Variants in BRPF1 observed in about 807,000 individuals in gnomAD.
BRPF1 encodes the protein peregrin.
Under a neutral mutation model 115.0 loss-of-function variants are expected in BRPF1, and 15 were observed. The observed-to-expected ratio is 0.13, with a 90% confidence interval of 0.09 to 0.20. The LOEUF (loss-of-function observed/expected upper bound fraction) is 0.20. BRPF1 is among the 10% of genes least tolerant of loss of function. BRPF1 has a pLI of 1.00. For synonymous variants in BRPF1, 647 were observed against 619.8 expected (o/e 1.04, Z -0.65); for missense variants, 1,118 against 1,638.3 (o/e 0.68, Z 5.48).
In BRPF1 at chr3:9,742,988, C is replaced by T. The variant is rs779160179; in HGVS notation, c.2046C>T (p.Phe682=). 20 of 1,614,074 alleles carry T rather than the reference C, an allele frequency of 1.2e-5. No individual in the cohort carries two copies. The highest frequency in any genetic ancestry group is 1.6e-4 in the Middle Eastern group (1 of 6,084). The change falls in exon 7 of 14, where the codon TTC becomes TTT. Residue 682 remains phenylalanine, a synonymous_variant. Coordinates refer to ENST00000383829, the MANE Select transcript of BRPF1 (RefSeq NM_001003694.2). Reference sequence around the variant, plus strand: ...ACATCAAAAAGCCCATGGACTTTTTCACCATGAAGCAGAACTTGGAGGCTT... The same window carrying T: ...ACATCAAAAAGCCCATGGACTTTTTTACCATGAAGCAGAACTTGGAGGCTT... The part of the protein sequence containing the change: ...LDHIKKPMDF[F]TMKQNLEAYR...
rs1180783979 is a variant in BRPF1 at position 9,734,288 on chromosome 3, C to G, written c.148C>G (p.Pro50Ala). Residue 50 changes from proline (P) to alanine (A), a missense_variant, in exon 2 of 14, where the codon CCA becomes GCA. Physicochemically the swap from Pro to Ala is conservative, Grantham distance 27. This residue lies in a region of BRPF1 where 280 missense variants were observed against 382.8 expected (regional missense o/e 0.73). Coordinates refer to ENST00000383829, the MANE Select transcript of BRPF1 (RefSeq NM_001003694.2). The surrounding 1 kb of genome is among the most constrained non-coding windows in gnomAD (Gnocchi z 5.7). ...YHLYHYDHDN[P>A]PPPQQTPLRK... is the part of the protein sequence containing the mutation. ...CCTGTACCACTATGACCACGACAACCCACCACCCCCACAACAAACTCCACT... is the reference window on the plus strand; with the variant it reads ...CCTGTACCACTATGACCACGACAACGCACCACCCCCACAACAAACTCCACT... 2 of 1,613,938 alleles carry G rather than the reference C, an allele frequency of 1.2e-6. No homozygotes were observed. Among genetic ancestry groups the G allele is most frequent in the African/African-American group, 2.7e-5 (2 of 74,890 alleles).
In BRPF1 at chr3:9,747,199, G is replaced by A. The variant is rs1285680414; in HGVS notation, c.3513G>A (p.Leu1171=). Residue 1171 remains leucine, a synonymous_variant, in exon 14 of 14, where the codon CTG becomes CTA. Coordinates refer to ENST00000383829, the MANE Select transcript of BRPF1 (RefSeq NM_001003694.2). This position sits in a 1 kb window ranked among gnomAD's most constrained non-coding sequence, Gnocchi z 5.6. ...QWLPRTKLVP[L]GVNQDLDKEK... ...TGCCCAGGACCAAGCTGGTTCCTCT[G>A]GGTGTGAACCAGGACCTAGACAAGG... 1.5e-5 allele frequency: 24 copies of A among 1,614,042 alleles called. No homozygotes were observed. The highest frequency in any genetic ancestry group is 2.0e-5 in the Non-Finnish European group (24 of 1,180,050).
rs544719764 is a variant in BRPF1, at chr3:9,741,197, A to G, written c.1723-111A>G. On this transcript the variant is annotated intron_variant, in intron 4 of 13. Transcript: ENST00000383829. ...ACACAGATTGAGGCACTACCAATAA[A>G]TTACTGTGCTCCCTCTTTTGGCTTG... The G allele has an allele frequency of 5.2e-6, 7 of 1,352,390 alleles. No individual in the cohort carries two copies. The South Asian group carries it at 7.2e-5, about 14-fold the overall frequency. 83.8% of individuals were successfully genotyped at this position (1,352,390 alleles called of 1,614,324 possible).
intron 2 of BRPF1, among the ~76,000 whole-genome samples, chr3:9,736,191 A>G (rs1462395687): frequency 2.6e-5 from 4 of 151,902 alleles, no homozygotes; most frequent in East Asian, 3.9e-4. Context: ...AGTTTTTAGT[A>G]GAGATGGGGT....
Position 9,739,710 on chromosome 3 carries a change from T to G in BRPF1, c.1311T>G (p.Ser437Arg). Residue 437 changes from serine (S) to arginine (R), a missense_variant, in exon 3 of 14, where the codon AGT becomes AGG. Physicochemically the swap from Ser to Arg is moderately radical, Grantham distance 110. Transcript: ENST00000383829. ...CAGGCGCCAACGGCACCTCTTTCAG[T>G]GTCCGCAAGACAGCCTACTGCGACA... ...RETGANGTSF[S>R]VRKTAYCDIH... The G allele has an allele frequency of 6.2e-7, 1 of 1,613,618 alleles. No homozygotes were observed. The highest frequency in any genetic ancestry group is 8.5e-7 in the Non-Finnish European group (1 of 1,179,530).
rs781346136 is a variant in BRPF1, at chr3:9,742,185, C to T, written c.2001+14C>T. ...GAATTGGACGAAGTAAGAATCCCTT[C>T]CCCTCACTCCACCTTCTCTCTGTTC... On this transcript the variant is annotated intron_variant, in intron 6 of 13. Coordinates refer to ENST00000383829, the MANE Select transcript of BRPF1 (RefSeq NM_001003694.2). The T allele has an allele frequency of 4.3e-6, 7 of 1,613,300 alleles. No homozygotes were observed. The Admixed American group carries it at 1.2e-4, about 27-fold the overall frequency.
At chr3:9,742,442 G>T (rs907339893) in intron 6 of BRPF1, 2 of 985,292 alleles carry the variant, frequency 2.0e-6, no homozygotes, top group African/African-American at 3.5e-5. Flanking sequence ...AGACACTTTC[G>T]GGGTGCTGAA....
rs2077076328 is a variant in BRPF1, at chr3:9,743,900, A to G, written c.2634A>G (p.Lys878=). The G allele has an allele frequency of 1.3e-6, 2 of 1,562,432 alleles. No homozygotes were observed. Among genetic ancestry groups the G allele is most frequent in the Non-Finnish European group, 8.7e-7 (1 of 1,149,358 alleles). The part of the protein sequence containing the change: ...AEESSSQETS[K]GLGPNMSSTP... ...AGAGCAGCAGCCAGGAGACAAGCAA[A>G]GGTCTGAATCCCATGGCAAGGTGGA... The change falls in exon 8 of 14, where the codon AAA becomes AAG. Residue 878 remains lysine (K), a splice_region_variant and synonymous_variant. Coordinates refer to ENST00000383829, the MANE Select transcript of BRPF1 (RefSeq NM_001003694.2). The surrounding 1 kb of genome is among the most constrained non-coding windows in gnomAD (Gnocchi z 6.1).
At chr3:9,741,918 A>AG in intron 5 of BRPF1, 107 bp from the exon 6 acceptor site, 1 of 1,285,334 alleles carries the variant, frequency 7.8e-7, no homozygotes, top group Non-Finnish European at 1.1e-6. Flanking sequence ...CCCAGCTGTG[A>AG]GGGTGGGAAA....
chr3:9,745,766 A>T lies in BRPF1; in HGVS notation c.3206-46A>T, dbSNP rs373727534. 17 of 1,610,572 alleles carry T rather than the reference A, an allele frequency of 1.1e-5. No homozygotes were observed. In the African/African-American group the frequency reaches 2.3e-4, roughly 22 times the overall value. On this transcript the variant is annotated intron_variant, in intron 11 of 13. Coordinates refer to ENST00000383829, the MANE Select transcript of BRPF1 (RefSeq NM_001003694.2). The surrounding 1 kb of genome is among the most constrained non-coding windows in gnomAD (Gnocchi z 5.1). ...GGGGACCCAGTGTCAGGGTCTCGCC[A>T]GCCCCCCAGCTGCTGATCCACCCCC...
At position 9,743,683 on chromosome 3, in the gene BRPF1, A is replaced by G; in HGVS notation, c.2417A>G (p.Lys806Arg). The G allele has an allele frequency of 1.2e-6, 2 of 1,614,198 alleles. No individual in the cohort carries two copies. The highest frequency in any genetic ancestry group is 8.5e-7 in the Non-Finnish European group (1 of 1,180,040). ...CGGCTGGACGAAGTGAATGCCAGCA[A>G]GCAGAGTGTGGGCCGCTCACGGCGT... ...LERLDEVNAS[K>R]QSVGRSRRAK... The change falls in exon 8 of 14, where the codon AAG (lysine) becomes AGG (arginine). Residue 806 changes from lysine to arginine, a missense_variant. By Grantham distance (26) the Lys-to-Arg change is conservative. This residue lies in a region of BRPF1 where 223 missense variants were observed against 240.7 expected (regional missense o/e 0.93). Coordinates refer to ENST00000383829, the MANE Select transcript of BRPF1 (RefSeq NM_001003694.2). This position sits in a 1 kb window ranked among gnomAD's most constrained non-coding sequence, Gnocchi z 6.1.
Position 9,745,504 on chromosome 3 carries a change from A to T in BRPF1, c.3069-69A>T. On this transcript the variant is annotated intron_variant, in intron 10 of 13. Coordinates refer to ENST00000383829, the MANE Select transcript of BRPF1 (RefSeq NM_001003694.2). This position sits in a 1 kb window ranked among gnomAD's most constrained non-coding sequence, Gnocchi z 5.1. The stretch of plus-strand genomic sequence containing the variant: ...CAGACCCTGCGGGCTTTAAGAGCTG[A>T]GGGCACATACCATGCTGTTCCCCAT... The T allele has an allele frequency of 1.9e-6, 3 of 1,545,790 alleles. No individual in the cohort carries two copies. The South Asian group carries it at 3.4e-5, about 17-fold the overall frequency.
At chr3:9,744,930 T>C (rs2077097127) in intron 9 of BRPF1, 78 bp from the exon 10 acceptor site, 1 of 1,590,748 alleles carries the variant, frequency 6.3e-7, no homozygotes, top group Admixed American at 1.7e-5. Context: ...AAGCTCCAAG[T>C]CCCTCTTACC....
rs369517700 is a variant in BRPF1, at chr3:9,743,946, T to A, written c.2635+45T>A. ...GTGGACCCCAAAGCAAGTCAGACTT[T>A]GGCTCTGCAGCACACACTCAACCCC... On this transcript the variant is annotated intron_variant, in intron 8 of 13. Transcript: ENST00000383829. The surrounding 1 kb of genome is among the most constrained non-coding windows in gnomAD (Gnocchi z 6.1). The A allele has an allele frequency of 6.5e-7, 1 of 1,529,796 alleles. No homozygotes were observed. The highest frequency in any genetic ancestry group is 1.8e-4 in the Middle Eastern group (1 of 5,660). The allele number at this position is 1,529,796 out of a possible 1,614,324, so 94.8% of individuals were successfully genotyped here. A position where few individuals can be genotyped will look rare whatever the true frequency, so the allele number is the denominator to read the frequency against.
At chr3:9,736,296 G>A (rs890745376) in intron 2 of BRPF1, among the ~76,000 whole-genome samples, 5 of 152,146 alleles carry the variant, frequency 3.3e-5, no homozygotes, top group Admixed American at 6.6e-5. Flanking sequence ...ATGAGCCACC[G>A]CGCCCGGCCT....
In BRPF1 at chr3:9,745,160, C is replaced by G. The variant is rs1360451807; in HGVS notation, c.3068+5C>G. The G allele has an allele frequency of 6.2e-7, 1 of 1,613,250 alleles. No individual in the cohort carries two copies. The highest frequency in any genetic ancestry group is 8.5e-7 in the Non-Finnish European group (1 of 1,179,716). ...CGCTGCTTCAGACCGGACCAGGTACCAGCCCTCCAGATCGAGGCCAACCTC... is the reference window on the plus strand; with the variant it reads ...CGCTGCTTCAGACCGGACCAGGTACGAGCCCTCCAGATCGAGGCCAACCTC... On this transcript the variant is annotated splice_donor_5th_base_variant and intron_variant, in intron 10 of 13. Transcript: ENST00000383829. The surrounding 1 kb of genome is among the most constrained non-coding windows in gnomAD (Gnocchi z 5.1).
Position 9,744,256 on chromosome 3 carries a change from CAT to C in BRPF1, c.2669_2670del (p.His890ArgfsTer62). The C allele has an allele frequency of 6.3e-7, 1 of 1,578,540 alleles. No individual in the cohort carries two copies. The highest frequency in any genetic ancestry group is 8.6e-7 in the Non-Finnish European group (1 of 1,161,866). On this transcript the variant is annotated frameshift_variant, in exon 9 of 14. Transcript: ENST00000383829. LOFTEE classifies it high-confidence loss of function. Reference sequence around the variant, plus strand: ...TCCCAACATGTCCTCAACCCCCGCACATGAGGTGGGCAGGAGAACCTCAGTTC... The same window carrying C: ...TCCCAACATGTCCTCAACCCCCGCACGAGGTGGGCAGGAGAACCTCAGTTC... ...LGPNMSSTPAHEVGRRTSVLF... is the reference protein window; with the variant it reads ...LGPNMSSTPAXEVGRRTSVLF...
In BRPF1 at chr3:9,747,384, T is replaced by C. The variant is rs191720055; in HGVS notation, c.*35T>C. ...ACACAGCCCAACCTATAGTGCCCTG[T>C]GACTTCTCTCCTCCCCTTTGCTCAC... On this transcript the variant is annotated 3_prime_UTR_variant, in exon 14 of 14. Transcript: ENST00000383829. The surrounding 1 kb of genome is among the most constrained non-coding windows in gnomAD (Gnocchi z 5.6). 6.0e-4 allele frequency: 960 copies of C among 1,600,956 alleles called. 5 individuals are homozygous for C. The Admixed American group carries it at 9.1e-3, about 15-fold the overall frequency.
intron 3 of BRPF1, among the ~76,000 whole-genome samples, 177 bp from the exon 4 acceptor site, chr3:9,740,602 G>A (rs767333493): frequency 1.3e-5 from 2 of 152,012 alleles, no homozygotes; most frequent in Non-Finnish European, 2.9e-5. Flanking sequence ...TGTCTGCCAC[G>A]GTACCACTGA....
Sources: allele counts gnomAD v4.1 joint callset (sites outside exome capture counted in the v4.1 genomes callset), GRCh38; gene constraint gnomAD v4.1.1; regional missense constraint gnomAD v4.1.1; non-coding constraint Gnocchi (gnomAD v3.1); transcripts MANE v1.5; gene names NCBI Gene and HGNC (gene_info 2026-07-23, HGNC 2026-07-21).